BAIAP2L2: variants seen among roughly 807,000 people sequenced by gnomAD.
BAIAP2L2 encodes the protein BAR/IMD domain containing adaptor protein 2 like 2, also known as BAR/IMD domain-containing adapter protein 2-like 2.
In BAIAP2L2, 65 loss-of-function variants were observed where a neutral mutation model predicts 60.4. That is an observed-to-expected ratio of 1.08 (90% CI 0.88 to 1.32). The LOEUF (loss-of-function observed/expected upper bound fraction) is 1.32. BAIAP2L2 is among the 40% of genes most tolerant of loss of function. The pLI, the probability that BAIAP2L2 is intolerant of heterozygous loss-of-function variation, is 0.00. For synonymous variants in BAIAP2L2, 344 were observed against 301.7 expected (o/e 1.14, Z -1.45); for missense variants, 836 against 741.2 (o/e 1.13, Z -1.48).
rs71195082 is a variant in BAIAP2L2, at chr22:38,101,546, C to CAAAAAA, written c.277-3070_277-3065dup. 1.1e-3 allele frequency among the ~76,000 whole-genome samples: 35 copies of CAAAAAA among 30,920 alleles called. 1 individual carries two copies. The highest frequency in any genetic ancestry group is 5.5e-3 in the African/African-American group (34 of 6,138). The allele number at this position is 30,920 out of a possible 152,430, so 20.3% of individuals were successfully genotyped here. ...TGGGTGACACAGTGAGATCCTGTCT[C>CAAAAAA]AAAAAAAAAAAAAAAAAAAAAAAAA... On this transcript the variant is annotated intron_variant, in intron 4 of 13. Transcript: ENST00000381669.
chr22:38,094,104 C>CA (rs1465819984), intron 7 of BAIAP2L2: 4 of 427,206 alleles, frequency 9.4e-6, no homozygotes, highest in African/African-American at 8.1e-5. Context: ...CCAGAATGGG[C>CA]AAATGTATTG....
intron 4 of BAIAP2L2, among the ~76,000 whole-genome samples, chr22:38,107,451 A>T (rs2086687236): frequency 1.3e-5 from 2 of 152,098 alleles, no homozygotes; most frequent in Non-Finnish European, 1.5e-5. Context: ...GCCTGTGTTC[A>T]GTTCTACGGG....
Position 38,089,838 on chromosome 22 carries a change from C to T in BAIAP2L2, c.613-164G>A, listed in dbSNP as rs77321324. Among the ~76,000 whole-genome samples, 875 of 152,272 alleles carry T rather than the reference C, an allele frequency of 5.7e-3. 5 individuals carry two copies. The highest frequency in any genetic ancestry group is 0.02 in the African/African-American group (831 of 41,556). ...AAGCCAGCTCACCGTCCAACCCGCA[C>T]CCTCTACTTTTGGCAAAGGCACCTC... On this transcript the variant is annotated intron_variant, in intron 7 of 13. Coordinates refer to ENST00000381669, the MANE Select transcript of BAIAP2L2 (RefSeq NM_025045.6).
intron 3 of BAIAP2L2, 82 bp downstream of exon 3, chr22:38,108,173 C>T: frequency 7.4e-7 from 1 of 1,352,024 alleles, no homozygotes; most frequent in South Asian, 1.3e-5. Flanking sequence ...AGGCCTGTGT[C>T]AGGGACTCGG....
chr22:38,100,694 T>A (rs1012372249), intron 4 of BAIAP2L2, among the ~76,000 whole-genome samples: 2 of 152,224 alleles, frequency 1.3e-5, no homozygotes, highest in African/African-American at 2.4e-5. Context: ...TAAGTAGATG[T>A]TGGTGCCATG....
At chr22:38,108,855 G>A (rs1355999390) in intron 2 of BAIAP2L2, among the ~76,000 whole-genome samples, 4 of 152,094 alleles carry the variant, frequency 2.6e-5, no homozygotes, top group African/African-American at 9.6e-5. Context: ...GGCTGTGTGG[G>A]CCTGCAGGGC....
chr22:38,089,383 G>A, intron 8 of BAIAP2L2, 139 bp downstream of exon 8: 2 of 592,688 alleles, frequency 3.4e-6, no homozygotes, highest in Non-Finnish European at 4.9e-6. Context: ...AACGCGCCGG[G>A]GCGGAAGGGC....
At chr22:38,110,442 G>A in intron 1 of BAIAP2L2, 33 bp downstream of exon 1, 1 of 1,604,074 alleles carries the variant, frequency 6.2e-7, no homozygotes. Flanking sequence ...GGGAGGAGGG[G>A]CTCAGGCCTG....
intron 8 of BAIAP2L2, 52 bp from the exon 9 acceptor site, chr22:38,089,283 G>GGGGGGGC (rs2086212738): frequency 1.4e-5 from 2 of 145,680 alleles, no homozygotes; most frequent in Non-Finnish European, 2.7e-5. Context: ...GGGGGGCGGG[G>GGGGGGGC]CCGCGCCCTA....
At position 38,086,356 on chromosome 22, in the gene BAIAP2L2, G is replaced by A. The variant is rs1242837495; in HGVS notation, c.1353C>T (p.Ser451=). ...IAPSEYWDGQ[S]RSRTPSRVPS... ...GCACCCGGCTTGGGGTGCGGGAGCG[G>A]GACTGGCCATCCCAGTACTCCGAGG... is the stretch of plus-strand genomic sequence containing the variant. The change falls in exon 12 of 14, where the codon TCC becomes TCT. Residue 451 remains serine (S), a synonymous_variant. Coordinates refer to ENST00000381669, the MANE Select transcript of BAIAP2L2 (RefSeq NM_025045.6). The A allele has an allele frequency of 2.6e-6, 2 of 772,944 alleles. No individual in the cohort carries two copies. Among genetic ancestry groups the A allele is most frequent in the Non-Finnish European group, 3.8e-6 (2 of 524,416 alleles). 47.9% of individuals were successfully genotyped at this position (772,944 alleles called of 1,614,324 possible). A position where few individuals can be genotyped will look rare whatever the true frequency, so the allele number is the denominator to read the frequency against.
At chr22:38,096,460 G>A (rs1252165764) in intron 7 of BAIAP2L2, among the ~76,000 whole-genome samples, 1 of 152,192 alleles carries the variant, frequency 6.6e-6, no homozygotes, top group East Asian at 1.9e-4. Flanking sequence ...TTTGAGATCA[G>A]CCTGGCCAAC....
At chr22:38,088,129 G>A (rs959290102) in intron 10 of BAIAP2L2, among the ~76,000 whole-genome samples, 2 of 152,172 alleles carry the variant, frequency 1.3e-5, no homozygotes, top group African/African-American at 4.8e-5. Flanking sequence ...ATGAAGCCCC[G>A]AGGGGGCACT....
At chr22:38,088,713 A>C in intron 10 of BAIAP2L2, 35 bp downstream of exon 10, 403 of 911,476 alleles carry the variant, frequency 4.4e-4, no homozygotes, top group Non-Finnish European at 6.0e-4. Context: ...CCTTCTTCTC[A>C]ACCCACCCCC....
chr22:38,090,603 C>T (rs1162608975), intron 7 of BAIAP2L2: 1 of 152,154 alleles, frequency 6.6e-6, no homozygotes, highest in East Asian at 1.9e-4. Flanking sequence ...TGACTCCATA[C>T]CAGGCCCTGC....
At chr22:38,090,086 C>G (rs924925288) in intron 7 of BAIAP2L2, 1 of 146,566 alleles carries the variant, frequency 6.8e-6, no homozygotes, top group Non-Finnish European at 1.5e-5. Flanking sequence ...CCCAGTAACA[C>G]TATGGAAAAT....
At chr22:38,110,125 GA>G (rs2086799979) in intron 1 of BAIAP2L2, among the ~76,000 whole-genome samples, 1 of 42,274 alleles carries the variant, frequency 2.4e-5, no homozygotes, top group African/African-American at 1.4e-4. Flanking sequence ...GAGAGGGAGA[GA>G]GAGAGAGAGA....
In BAIAP2L2 at chr22:38,110,555, G is replaced by A. The variant is rs2086823899; in HGVS notation, c.-30C>T. 2 of 1,587,226 alleles carry A rather than the reference G, an allele frequency of 1.3e-6. No individual in the cohort carries two copies. Among genetic ancestry groups the A allele is most frequent in the Admixed American group, 1.7e-5 (1 of 58,058 alleles). On this transcript the variant is annotated 5_prime_UTR_variant, in exon 1 of 14. Coordinates refer to ENST00000381669, the MANE Select transcript of BAIAP2L2 (RefSeq NM_025045.6). Reference sequence around the variant, plus strand: ...GGGCTGTCCCGGGTCTGAGCAGGAGGCTGGGAGCTGGTGGCGATGGCACAG... The same window carrying A: ...GGGCTGTCCCGGGTCTGAGCAGGAGACTGGGAGCTGGTGGCGATGGCACAG...
rs145763872 is a variant in BAIAP2L2, at chr22:38,096,676, A to C, written c.612+356T>G. Among the ~76,000 whole-genome samples the C allele has an allele frequency of 9.5e-3, 1,451 of 152,284 alleles. 39 individuals are homozygous for C. The highest frequency in any genetic ancestry group is 0.057 in the Admixed American group (869 of 15,290). On this transcript the variant is annotated intron_variant, in intron 7 of 13. Transcript: ENST00000381669. ...GTCTCAAAAAATAAATAAATAAATA[A>C]TATGATAAAATTAATAGACGATAAC...
chr22:38,089,093 C>T lies in BAIAP2L2; in HGVS notation c.901+3G>A. 1 of 1,378,974 alleles carries T rather than the reference C, an allele frequency of 7.3e-7. No homozygotes were observed. Among genetic ancestry groups the T allele is most frequent in the Non-Finnish European group, 9.3e-7 (1 of 1,072,646 alleles). The allele number at this position is 1,378,974 out of a possible 1,614,324, so 85.4% of individuals were successfully genotyped here. A position where few individuals can be genotyped will look rare whatever the true frequency, so the allele number is the denominator to read the frequency against. On this transcript the variant is annotated splice_donor_region_variant and intron_variant, in intron 9 of 13. Coordinates refer to ENST00000381669, the MANE Select transcript of BAIAP2L2 (RefSeq NM_025045.6). ...CCTGCCGCCCCGGGGCGGGGGCACT[C>T]ACAGGCCGACGGCGTGCGGGGCAGG...
Sources: allele counts gnomAD v4.1 joint callset (sites outside exome capture counted in the v4.1 genomes callset), GRCh38; gene constraint gnomAD v4.1.1; transcripts MANE v1.5; gene names NCBI Gene and HGNC (gene_info 2026-07-23, HGNC 2026-07-21).